CCL25: variants seen among roughly 807,000 people sequenced by gnomAD.
CCL25 encodes C-C motif chemokine 25.
In CCL25, 14 loss-of-function variants were observed where a neutral mutation model predicts 19.9. The observed-to-expected ratio is 0.70, with a 90% confidence interval of 0.47 to 1.10. The LOEUF is 1.10. CCL25 is among the 50% of genes least tolerant of loss of function. CCL25 has a pLI of 0.00. For missense variants in CCL25, 151 were observed against 181.2 expected, an observed-to-expected ratio of 0.83 and a Z score of 0.96; for synonymous variants, 68 against 73.2, an observed-to-expected ratio of 0.93 and a Z score of 0.36.
rs2081324834 is a variant in CCL25 at position 8,062,421 on chromosome 19, G to A, written c.*196G>A. 1 of 602,614 alleles carries A rather than the reference G, an allele frequency of 1.7e-6. No individual in the cohort carries two copies. The highest frequency in any genetic ancestry group is 2.9e-6 in the Non-Finnish European group (1 of 340,180). The allele number at this position is 602,614 out of a possible 1,614,324, so 37.3% of individuals were successfully genotyped here. A position where few individuals can be genotyped will look rare whatever the true frequency, so the allele number is the denominator to read the frequency against. On this transcript the variant is annotated 3_prime_UTR_variant, in exon 6 of 6. Coordinates refer to ENST00000315626, the MANE Select transcript of CCL25 (RefSeq NM_005624.4). The stretch of plus-strand genomic sequence containing the variant: ...GCAACTGGAAAGAGGGAGTTGGCCT[G>A]ATTTTAAGCCTTTTGCCGCTCCGGG...
intron 2 of CCL25, among the ~76,000 whole-genome samples, chr19:8,055,338 T>G (rs2145283306): frequency 6.7e-6 from 1 of 148,390 alleles, no homozygotes; most frequent in East Asian, 2.1e-4. Flanking sequence ...TTTTGTTTTT[T>G]GTTTTGTTTT....
At position 8,056,500 on chromosome 19, in the gene CCL25, G is replaced by A. The variant is rs2081273776; in HGVS notation, c.325+1G>A. On this transcript the variant is annotated splice_donor_variant, in intron 4 of 5. Coordinates refer to ENST00000315626, the MANE Select transcript of CCL25 (RefSeq NM_005624.4). LOFTEE classifies it high-confidence loss of function. ...CACCACAACACGCAGACCTTCCAAG[G>A]TGGGCAAGACCTCTGCTGGGCATCT... 5 of 1,614,068 alleles carry A rather than the reference G, an allele frequency of 3.1e-6. No individual in the cohort carries two copies. The highest frequency in any genetic ancestry group is 3.4e-6 in the Non-Finnish European group (4 of 1,180,026).
intron 5 of CCL25, among the ~76,000 whole-genome samples, chr19:8,058,411 TATATATA>T (rs2081289066): frequency 1.2e-5 from 1 of 82,124 alleles, no homozygotes; most frequent in African/African-American, 5.6e-5. Context: ...AATATATAAA[TATATATA>T]ATATATAAGT....
chr19:8,055,358 C>G (rs1311558249), intron 2 of CCL25, among the ~76,000 whole-genome samples: 2 of 145,408 alleles, frequency 1.4e-5, no homozygotes, highest in African/African-American at 5.1e-5. Flanking sequence ...TGTTTTGAGA[C>G]GGTGTCTCAC....
chr19:8,052,832 T>C lies in CCL25; in HGVS notation c.-51+10T>C. 1 of 507,094 alleles carries C rather than the reference T, an allele frequency of 2.0e-6. No individual in the cohort carries two copies. Among genetic ancestry groups the C allele is most frequent in the African/African-American group, 1.9e-5 (1 of 52,030 alleles). The allele number at this position is 507,094 out of a possible 1,614,324, so 31.4% of individuals were successfully genotyped here. On this transcript the variant is annotated intron_variant, in intron 1 of 5. Coordinates refer to ENST00000315626, the MANE Select transcript of CCL25 (RefSeq NM_005624.4). ...GACCCAGTGGATATCGGTGAGTCTT[T>C]TCCTTGAACATGACTGAGATGAACA...
intron 4 of CCL25, among the ~76,000 whole-genome samples, chr19:8,057,421 C>G (rs988313150): frequency 6.6e-6 from 1 of 152,168 alleles, no homozygotes; most frequent in Non-Finnish European, 1.5e-5. Flanking sequence ...CCTTGTGTTC[C>G]TGGGCTCAAG....
At chr19:8,059,059 AAT>A (rs1196532810) in intron 5 of CCL25, among the ~76,000 whole-genome samples, 7 of 83,086 alleles carry the variant, frequency 8.4e-5, no homozygotes, top group South Asian at 8.5e-4. Context: ...GTAATATATA[AAT>A]ATATATAATA....
intron 5 of CCL25, 77 bp downstream of exon 5, chr19:8,057,997 C>T: frequency 6.4e-7 from 1 of 1,551,610 alleles, no homozygotes; most frequent in Middle Eastern, 1.8e-4. Flanking sequence ...TTGGCTCACA[C>T]TGGGACAGGA....
intron 3 of CCL25, 35 bp from the exon 4 acceptor site, chr19:8,056,331 A>C (rs374595746): frequency 1.2e-6 from 2 of 1,610,956 alleles, no homozygotes; most frequent in Non-Finnish European, 1.7e-6. Flanking sequence ...GCCAGCCTAC[A>C]CCCTAACCTG....
At chr19:8,058,785 A>G (rs906298676) in intron 5 of CCL25, among the ~76,000 whole-genome samples, 44 of 139,362 alleles carry the variant, frequency 3.2e-4, no homozygotes, top group African/African-American at 1.1e-3. Flanking sequence ...CAGCCTCCCG[A>G]GTAGCTGGGA....
At chr19:8,059,650 G>C (rs1316950264) in intron 5 of CCL25, among the ~76,000 whole-genome samples, 2 of 152,116 alleles carry the variant, frequency 1.3e-5, no homozygotes, top group Non-Finnish European at 2.9e-5. Flanking sequence ...CCTCTGGTTG[G>C]ATCATTCGAT....
intron 4 of CCL25, among the ~76,000 whole-genome samples, chr19:8,057,443 C>T (rs150765562): frequency 2.6e-5 from 4 of 152,298 alleles, no homozygotes; most frequent in Admixed American, 6.5e-5. Flanking sequence ...AATCCTCCCA[C>T]GTCAGCCTCC....
chr19:8,055,528 G>A (rs1413120274), intron 2 of CCL25, among the ~76,000 whole-genome samples: 1 of 151,796 alleles, frequency 6.6e-6, no homozygotes, highest in South Asian at 2.1e-4. Context: ...TAGAGACGGG[G>A]TTTCACCGTG....
At chr19:8,061,810 G>A (rs886837510) in intron 5 of CCL25, among the ~76,000 whole-genome samples, 14 of 151,802 alleles carry the variant, frequency 9.2e-5, no homozygotes, top group Admixed American at 2.0e-4. Context: ...TGGCTAACAC[G>A]GTGAAACCCT....
At chr19:8,055,285 GA>G (rs368584418) in intron 2 of CCL25, among the ~76,000 whole-genome samples, 15,268 of 92,648 alleles carry the variant, frequency 0.16, 1,394 homozygotes, top group East Asian at 0.43. Flanking sequence ...TGAGACTCTG[GA>G]AAAAAAAAAA....
chr19:8,058,331 T>C (rs2081287474), intron 5 of CCL25, among the ~76,000 whole-genome samples: 1 of 91,592 alleles, frequency 1.1e-5, no homozygotes. Flanking sequence ...ATATATAATA[T>C]ATAAATATAT....
chr19:8,056,331 A>G (rs374595746), intron 3 of CCL25, 35 bp from the exon 4 acceptor site: 103 of 1,610,838 alleles, frequency 6.4e-5, no homozygotes, highest in Non-Finnish European at 8.5e-5. Context: ...GCCAGCCTAC[A>G]CCCTAACCTG....
At position 8,052,994 on chromosome 19, in the gene CCL25, C is replaced by T. The variant is rs1390144614; in HGVS notation, c.-50-6C>T. 7.7e-7 allele frequency: 1 copy of T among 1,294,450 alleles called. No homozygotes were observed. Among genetic ancestry groups the T allele is most frequent in the Non-Finnish European group, 1.1e-6 (1 of 922,796 alleles). The allele number at this position is 1,294,450 out of a possible 1,614,324, so 80.2% of individuals were successfully genotyped here. A position where few individuals can be genotyped will look rare whatever the true frequency, so the allele number is the denominator to read the frequency against. ...CAGTCCTTACCACTTCCCTCCACGA[C>T]CCCAGGTGGCCCCGTTATTCGTCCA... On this transcript the variant is annotated splice_region_variant and splice_polypyrimidine_tract_variant and intron_variant, in intron 1 of 5. Transcript: ENST00000315626.
intron 2 of CCL25, among the ~76,000 whole-genome samples, chr19:8,054,037 C>T (rs1042020198): frequency 9.2e-5 from 14 of 152,204 alleles, no homozygotes; most frequent in African/African-American, 2.9e-4. Flanking sequence ...CACTCCCTAC[C>T]GCAGAGCAAG....
Sources: gnomAD v4.1 joint callset for allele counts (sites outside exome capture counted in the v4.1 genomes callset) on GRCh38, gnomAD v4.1.1 for gene constraint, MANE v1.5 for transcripts, NCBI Gene and HGNC (gene_info 2026-07-23, HGNC 2026-07-21) for gene names.